MEGF11: variants seen among roughly 807,000 people sequenced by gnomAD.
MEGF11 encodes the protein multiple EGF like domains 11, also known as multiple epidermal growth factor-like domains protein 11.
In MEGF11, 126 loss-of-function variants were observed where a neutral mutation model predicts 146.6. The ratio of observed to expected loss-of-function variants is 0.86; its 90% CI spans 0.74 to 1.00. The LOEUF (loss-of-function observed/expected upper bound fraction) is 1.00. MEGF11 is among the 50% of genes least tolerant of loss of function. MEGF11 has a pLI of 0.00. For synonymous variants in MEGF11, 532 were observed against 583.4 expected (o/e 0.91, Z 1.27); for missense variants, 1,509 against 1,521.2 (o/e 0.99, Z 0.13).
chr15:65,904,989 T>C (rs1190545911), intron 24 of MEGF11, among the ~76,000 whole-genome samples: 1 of 152,210 alleles, frequency 6.6e-6, no homozygotes. Flanking sequence ...GCCTCCCGGC[T>C]TCAAGCAATT....
intron 7 of MEGF11, among the ~76,000 whole-genome samples, chr15:65,977,756 T>G (rs1184401598): frequency 2.0e-5 from 3 of 152,024 alleles, no homozygotes; most frequent in African/African-American, 7.2e-5. Context: ...TTCCAGTCTT[T>G]TCTTTGTGTG....
At chr15:65,905,954 G>C (rs78879351) in intron 24 of MEGF11, 131 bp downstream of exon 24, 1 of 628,118 alleles carries the variant, frequency 1.6e-6, no homozygotes, top group East Asian at 3.0e-5. Flanking sequence ...CCCAGGCCCT[G>C]TGGTCTTTTA....
intron 5 of MEGF11, among the ~76,000 whole-genome samples, chr15:66,091,127 A>T (rs551373332): frequency 6.6e-6 from 1 of 152,252 alleles, no homozygotes; most frequent in Non-Finnish European, 1.5e-5. Flanking sequence ...GGTGTCACAC[A>T]TATAGACCCC....
At chr15:66,109,163 A>G (rs1178980287) in intron 4 of MEGF11, among the ~76,000 whole-genome samples, 1 of 152,070 alleles carries the variant, frequency 6.6e-6, no homozygotes, top group Non-Finnish European at 1.5e-5. Flanking sequence ...CATCCCCTTG[A>G]CCAAGTCCTT....
rs118167945 is a variant in MEGF11 at position 66,079,801 on chromosome 15, G to A, written c.394+14601C>T. Reference sequence around the variant, plus strand: ...GGAACATGAGTGGGTGGAGGGTAGAGATGGGGTGGGAAGGACCAGCTGCCT... The same window carrying A: ...GGAACATGAGTGGGTGGAGGGTAGAAATGGGGTGGGAAGGACCAGCTGCCT... On this transcript the variant is annotated intron_variant, in intron 5 of 25. Transcript: ENST00000395614. Among the ~76,000 whole-genome samples, 60 of 152,306 alleles carry A rather than the reference G, an allele frequency of 3.9e-4. No homozygotes were observed. The East Asian group carries it at 8.1e-3, about 21-fold the overall frequency.
intron 1 of MEGF11, among the ~76,000 whole-genome samples, chr15:66,194,039 A>G (rs1369126504): frequency 6.6e-6 from 1 of 152,224 alleles, no homozygotes; most frequent in Non-Finnish European, 1.5e-5. Flanking sequence ...ACAAAAAAAG[A>G]TACTTGCACA....
At chr15:66,008,915 A>G (rs1428522662) in intron 5 of MEGF11, among the ~76,000 whole-genome samples, 3 of 152,056 alleles carry the variant, frequency 2.0e-5, no homozygotes, top group Non-Finnish European at 4.4e-5. Context: ...TTCTGCCTCT[A>G]TCTTACAACA....
intron 7 of MEGF11, among the ~76,000 whole-genome samples, chr15:65,971,637 A>G (rs1161836360): frequency 1.3e-5 from 2 of 152,142 alleles, no homozygotes; most frequent in Non-Finnish European, 2.9e-5. Context: ...TTCTAGGGAC[A>G]CTGAGGAGCT....
chr15:65,956,188 G>A (rs532963104), intron 10 of MEGF11, among the ~76,000 whole-genome samples: 5 of 152,276 alleles, frequency 3.3e-5, no homozygotes, highest in Admixed American at 3.3e-4. Context: ...TGATTTCACT[G>A]TGCAGCCCAA....
rs150967675 is a variant in MEGF11, at chr15:66,005,395, G to T, written c.395-22907C>A. Among the ~76,000 whole-genome samples, 1,159 of 152,250 alleles carry T rather than the reference G, an allele frequency of 7.6e-3. 5 individuals are homozygous for T. The highest frequency in any genetic ancestry group is 0.01 in the Admixed American group (153 of 15,298). On this transcript the variant is annotated intron_variant, in intron 5 of 25. Coordinates refer to ENST00000395614, the MANE Select transcript of MEGF11 (RefSeq NM_001385028.1). ...CCAAGTGGAGATCATTTTACCAGGT[G>T]ATAGAATGCTTGAAAACATGCTTGT...
intron 23 of MEGF11, among the ~76,000 whole-genome samples, chr15:65,907,207 C>T (rs927997373): frequency 2.0e-5 from 3 of 152,192 alleles, no homozygotes; most frequent in Admixed American, 2.0e-4. Flanking sequence ...AATTTGAAAG[C>T]GTCTACTCCT....
intron 13 of MEGF11, among the ~76,000 whole-genome samples, chr15:65,923,654 C>A (rs79929220): frequency 6.6e-6 from 1 of 152,154 alleles, no homozygotes; most frequent in Non-Finnish European, 1.5e-5. Context: ...ATGATGTATT[C>A]GATTTCAGCT....
chr15:66,177,157 T>TC (rs1277977016), intron 1 of MEGF11, among the ~76,000 whole-genome samples: 1 of 152,050 alleles, frequency 6.6e-6, no homozygotes, highest in Non-Finnish European at 1.5e-5. Context: ...GTCCTTATCT[T>TC]CCCCCAAATT....
chr15:65,943,548 G>A (rs553649982), intron 10 of MEGF11, among the ~76,000 whole-genome samples: 90 of 152,294 alleles, frequency 5.9e-4, no homozygotes, highest in African/African-American at 2.1e-3. Flanking sequence ...GGTACTAGAT[G>A]TACATGTGCT....
At chr15:66,144,597 T>C (rs1316584911) in intron 1 of MEGF11, among the ~76,000 whole-genome samples, 1 of 152,060 alleles carries the variant, frequency 6.6e-6, no homozygotes, top group Non-Finnish European at 1.5e-5. Context: ...GCGACATCAC[T>C]CTAACAGGAA....
intron 5 of MEGF11, among the ~76,000 whole-genome samples, chr15:66,022,544 G>T (rs910407820): frequency 1.3e-5 from 2 of 152,214 alleles, no homozygotes; most frequent in African/African-American, 4.8e-5. Context: ...TTCTGTTTGG[G>T]CCCAGCACAG....
intron 1 of MEGF11, among the ~76,000 whole-genome samples, chr15:66,213,724 GTTTAT>G (rs1306186101): frequency 1.2e-4 from 18 of 151,724 alleles, no homozygotes; most frequent in African/African-American, 3.9e-4. Context: ...GCCTTAAATT[GTTTAT>G]TTTATTTATT....
At chr15:66,107,794 G>A (rs956547530) in intron 4 of MEGF11, among the ~76,000 whole-genome samples, 24 of 152,312 alleles carry the variant, frequency 1.6e-4, no homozygotes, top group African/African-American at 1.9e-4. Context: ...GGAAAAGCCA[G>A]CCCACTCATC....
intron 15 of MEGF11, among the ~76,000 whole-genome samples, chr15:65,919,326 A>G (rs1296030878): frequency 1.3e-5 from 2 of 152,250 alleles, no homozygotes; most frequent in Non-Finnish European, 1.5e-5. Context: ...GACACTGTTC[A>G]ATGTGCTTCA....
Sources: allele counts gnomAD v4.1 joint callset (sites outside exome capture counted in the v4.1 genomes callset), GRCh38; gene constraint gnomAD v4.1.1; transcripts MANE v1.5; gene names NCBI Gene and HGNC (gene_info 2026-07-23, HGNC 2026-07-21).